Variants in TSHZ3 observed in about 807,000 individuals in gnomAD.
TSHZ3 encodes teashirt homolog 3.
In TSHZ3, 10 loss-of-function variants were observed where a neutral mutation model predicts 64.5. That is an observed-to-expected ratio of 0.16 (90% CI 0.10 to 0.26). The LOEUF (loss-of-function observed/expected upper bound fraction) is 0.26. Ranked by LOEUF, TSHZ3 falls within the 10% of genes least tolerant of loss-of-function variation. TSHZ3 has a pLI of 1.00. For synonymous variants in TSHZ3, 608 were observed against 593.1 expected (o/e 1.03, Z -0.36); for missense variants, 1,242 against 1,421.7 (o/e 0.87, Z 2.03).
At chr19:31,155,907 C>T (rs944757190) in intron 6 of TSHZ3, among the ~76,000 whole-genome samples, 5 of 152,182 alleles carry the variant, frequency 3.3e-5, no homozygotes, top group Non-Finnish European at 7.3e-5. Context: ...TTAGTGACAC[C>T]ATTGGGAATA....
At chr19:31,157,931 A>G (rs1269266933) in intron 5 of TSHZ3, among the ~76,000 whole-genome samples, 1 of 152,194 alleles carries the variant, frequency 6.6e-6, no homozygotes, top group African/African-American at 2.4e-5. Context: ...GCCCTGCCTC[A>G]CCCTGTGGTC....
chr19:31,332,640 T>C (rs2145184300), intron 1 of TSHZ3, among the ~76,000 whole-genome samples: 2 of 152,264 alleles, frequency 1.3e-5, no homozygotes. Context: ...CTGTGATTAC[T>C]GGGGTTCTTC....
chr19:31,345,618 T>TTACC lies in TSHZ3; in HGVS notation c.40+3558_40+3561dup, dbSNP rs1373389744. 2.6e-5 allele frequency among the ~76,000 whole-genome samples: 4 copies of TTACC among 152,356 alleles called. No homozygotes were observed. In the East Asian group the frequency reaches 7.7e-4, roughly 29 times the overall value. ...TACCACCTAAGAACTCCACGGAACA[T>TTACC]TACCCCCTTTCAAAGAATATAGCTT... is the stretch of plus-strand genomic sequence containing the variant. On this transcript the variant is annotated intron_variant, in intron 1 of 1. Coordinates refer to ENST00000240587, the MANE Select transcript of TSHZ3 (RefSeq NM_020856.4).
chr19:31,174,446 C>A (rs1479750855), intron 5 of TSHZ3, among the ~76,000 whole-genome samples: 1 of 152,144 alleles, frequency 6.6e-6, no homozygotes, highest in Non-Finnish European at 1.5e-5. Context: ...TTTGCTTAGC[C>A]TAATAATTTA....
chr19:31,237,021 T>G (rs1286700258), intron 3 of TSHZ3, among the ~76,000 whole-genome samples: 1 of 151,040 alleles, frequency 6.6e-6, no homozygotes, highest in East Asian at 2.0e-4. Context: ...AGGTGGCACA[T>G]GCCTCTAATC....
chr19:31,315,884 T>G (rs897158343), intron 1 of TSHZ3, among the ~76,000 whole-genome samples: 2 of 152,198 alleles, frequency 1.3e-5, no homozygotes, highest in African/African-American at 4.8e-5. Context: ...TGATGTGAGC[T>G]GAGCTCATAT....
chr19:31,346,953 A>G (rs1423884168), intron 1 of TSHZ3, among the ~76,000 whole-genome samples: 5 of 151,946 alleles, frequency 3.3e-5, no homozygotes, highest in Non-Finnish European at 5.9e-5. Flanking sequence ...TAAATCCAAA[A>G]CCCGAGTATG....
At chr19:31,153,180 C>T (rs934901174) in intron 6 of TSHZ3, among the ~76,000 whole-genome samples, 1 of 152,024 alleles carries the variant, frequency 6.6e-6, no homozygotes, top group Non-Finnish European at 1.5e-5. Context: ...TTGATGATAC[C>T]GTGTGACATA....
Position 31,277,933 on chromosome 19 carries a change from T to C in TSHZ3, c.1860A>G (p.Lys620=). 2 of 1,614,246 alleles carry C rather than the reference T, an allele frequency of 1.2e-6. No individual in the cohort carries two copies. The highest frequency in any genetic ancestry group is 1.7e-6 in the Non-Finnish European group (2 of 1,180,042). The change falls in exon 2 of 2, where the codon AAA becomes AAG. Residue 620 remains lysine (K), a synonymous_variant. Transcript: ENST00000240587. This position sits in a 1 kb window ranked among gnomAD's most constrained non-coding sequence, Gnocchi z 4.5. ...MEELVKKVTE[K]VAKVEEKMKE... ...TCATCTTCTCCTCCACTTTGGCAACTTTCTCAGTGACCTTTTTCACCAGCT... is the reference window on the plus strand; with the variant it reads ...TCATCTTCTCCTCCACTTTGGCAACCTTCTCAGTGACCTTTTTCACCAGCT...
chr19:31,270,982 G>T (rs1976127045), downstream of TSHZ3, among the ~76,000 whole-genome samples: 1 of 152,096 alleles, frequency 6.6e-6, no homozygotes, highest in South Asian at 2.1e-4. Flanking sequence ...TTAAAACCTG[G>T]ATTTTTGGAC....
chr19:31,195,371 G>T (rs1458375102), intron 5 of TSHZ3, among the ~76,000 whole-genome samples: 1 of 152,054 alleles, frequency 6.6e-6, no homozygotes, highest in Non-Finnish European at 1.5e-5. Context: ...CTTACCTATA[G>T]AGAAGCAAAA....
intron 1 of TSHZ3, among the ~76,000 whole-genome samples, chr19:31,266,977 C>T (rs1874246685): frequency 6.6e-6 from 1 of 152,182 alleles, no homozygotes; most frequent in Non-Finnish European, 1.5e-5. Context: ...AGGAAGTGCT[C>T]CTGGCCGGCC....
At chr19:31,308,488 A>G (rs866993550) in intron 1 of TSHZ3, 2 of 378,210 alleles carry the variant, frequency 5.3e-6, no homozygotes, top group Non-Finnish European at 9.3e-6. Context: ...CAAGGGTCCA[A>G]TTGTTTGTCA....
chr19:31,274,326 AG>A (rs1845340784), downstream of TSHZ3, among the ~76,000 whole-genome samples: 1 of 152,100 alleles, frequency 6.6e-6, no homozygotes, highest in Admixed American at 6.6e-5. Flanking sequence ...GGCTAATAAA[AG>A]CTTGTGATTA....
intron 3 of TSHZ3, among the ~76,000 whole-genome samples, chr19:31,236,638 C>A (rs115042849): frequency 1.3e-5 from 2 of 151,934 alleles, no homozygotes; most frequent in South Asian, 4.2e-4. Flanking sequence ...GAAATCGGAC[C>A]CTTATCTCAC....
chr19:31,257,241 T>C (rs1975923130), intron 1 of TSHZ3, among the ~76,000 whole-genome samples: 1 of 152,028 alleles, frequency 6.6e-6, no homozygotes, highest in Non-Finnish European at 1.5e-5. Context: ...AGCAGGACGG[T>C]GCCGTGGGGA....
At chr19:31,333,106 CAATAAATAAATAAATAAATAAATA>C (rs10585080) in intron 1 of TSHZ3, among the ~76,000 whole-genome samples, 1 of 137,824 alleles carries the variant, frequency 7.3e-6, no homozygotes, top group Non-Finnish European at 1.5e-5. Flanking sequence ...TCCTGTCTCA[CAATAAATAAATAAATAAATAAATA>C]AATAAATAAA....
chr19:31,238,647 C>T (rs777485020), intron 3 of TSHZ3, among the ~76,000 whole-genome samples: 2 of 152,106 alleles, frequency 1.3e-5, no homozygotes, highest in South Asian at 2.1e-4. Context: ...GTCTAATGCC[C>T]GTATTTATCT....
In TSHZ3 at chr19:31,180,377, C is replaced by T. The variant is rs561590024; in HGVS notation, n.810-23960G>A. Among the ~76,000 whole-genome samples, 5 of 152,312 alleles carry T rather than the reference C, an allele frequency of 3.3e-5. No individual in the cohort carries two copies. The South Asian group carries it at 1.0e-3, about 32-fold the overall frequency. ...AGCAAATGTTGGAGATAATCCAACA[C>T]AGTGGCACCGTGACATTTCTGTTTT... On this transcript the variant is annotated intron_variant and non_coding_transcript_variant, in intron 5 of 6. Transcript: ENST00000651361.
Sources: gnomAD v4.1 joint callset for allele counts (sites outside exome capture counted in the v4.1 genomes callset) on GRCh38, gnomAD v4.1.1 for gene constraint, Gnocchi (gnomAD v3.1) non-coding constraint, MANE v1.5 for transcripts, NCBI Gene and HGNC (gene_info 2026-07-23, HGNC 2026-07-21) for gene names.